The following CBARP variants were observed in gnomAD, a reference collection of about 807,000 sequenced individuals.
CBARP encodes voltage-dependent calcium channel beta subunit-associated regulatory protein.
A neutral mutation model predicts 36.3 loss-of-function variants in CBARP; 24 were observed. That is an observed-to-expected ratio of 0.66 (90% confidence interval 0.48 to 0.93). The LOEUF (loss-of-function observed/expected upper bound fraction) is 0.93. Ranked by LOEUF, CBARP falls within the 40% of genes least tolerant of loss-of-function variation. CBARP has a pLI of 0.00. For missense variants in CBARP, 1,146 were observed against 980.4 expected, an observed-to-expected ratio of 1.17 and a Z score of -2.26; for synonymous variants, 586 against 453.2, an observed-to-expected ratio of 1.29 and a Z score of -3.72.
rs1415768280 is a variant in CBARP, at chr19:1,229,037, C to T, written c.*142G>A. 5.4e-6 allele frequency: 1 copy of T among 184,168 alleles called. No homozygotes were observed. 11.4% of individuals were successfully genotyped at this position (184,168 alleles called of 1,614,324 possible). On this transcript the variant is annotated 3_prime_UTR_variant, in exon 10 of 10. Transcript: ENST00000650044. The surrounding 1 kb of genome is among the most constrained non-coding windows in gnomAD (Gnocchi z 5.1). ...CTGCGCCCTGAAGCGGCGAGCGCGC[C>T]TCCGTCGCCCGGCGCGTGCGCGAAG...
At chr19:1,236,647 G>A (rs1488010791) in intron 1 of CBARP, among the ~76,000 whole-genome samples, 1 of 152,064 alleles carries the variant, frequency 6.6e-6, no homozygotes, top group African/African-American at 2.4e-5. Context: ...GAGGGTGCAG[G>A]GGCTGGGCGC....
intron 4 of CBARP, 77 bp from the exon 5 acceptor site, chr19:1,235,222 G>C: frequency 1.5e-6 from 2 of 1,365,040 alleles, no homozygotes; most frequent in Non-Finnish European, 1.9e-6. Context: ...CTGCTCCTCC[G>C]GGCGGCCACG....
At chr19:1,234,415 A>C in intron 6 of CBARP, 84 bp from the exon 7 acceptor site, 1 of 1,434,036 alleles carries the variant, frequency 7.0e-7, no homozygotes, top group South Asian at 1.5e-5. Flanking sequence ...GGTGAGGAGC[A>C]TGCTGGGCTT....
At position 1,229,222 on chromosome 19, in the gene CBARP, A is replaced by G. The variant is rs1380666895; in HGVS notation, c.2075T>C (p.Leu692Ser). 3.3e-6 allele frequency: 4 copies of G among 1,218,242 alleles called. No homozygotes were observed. The allele number at this position is 1,218,242 out of a possible 1,614,324, so 75.5% of individuals were successfully genotyped here. The change falls in exon 10 of 10, where the codon TTG becomes TCG. Residue 692 changes from leucine (L) to serine (S), a missense_variant. Transcript: ENST00000650044. The surrounding 1 kb of genome is among the most constrained non-coding windows in gnomAD (Gnocchi z 5.1). ...LAEPVVATPA[L>S]VAAAPTSPDH... is the part of the protein sequence containing the mutation. Reference sequence around the variant, plus strand: ...GGGGGACGTGGGGGCGGCGGCGACCAACGCGGGAGTCGCCACGACGGGCTC... The same window carrying G: ...GGGGGACGTGGGGGCGGCGGCGACCGACGCGGGAGTCGCCACGACGGGCTC...
At chr19:1,235,181 G>T (rs759117006) in intron 4 of CBARP, 36 bp from the exon 5 acceptor site, 13 of 1,490,118 alleles carry the variant, frequency 8.7e-6, no homozygotes, top group Non-Finnish European at 1.2e-5. Flanking sequence ...GGCCCCGGGC[G>T]GGCCACGCCA....
In CBARP at chr19:1,230,115, T is replaced by C. The variant is rs1437756264; in HGVS notation, c.1182A>G (p.Gly394=). The stretch of plus-strand genomic sequence containing the variant: ...GCTCCGGGGGGGAATCGGGGCTCGC[T>C]CCTCCCGCTGCCTCGGCCGCCTCTA... The part of the protein sequence containing the change: ...GRLEAAEAAG[G]ASPDSPPERG... Residue 394 remains glycine, a synonymous_variant, in exon 10 of 10, where the codon GGA becomes GGG. Transcript: ENST00000650044. 12 of 1,055,306 alleles carry C rather than the reference T, an allele frequency of 1.1e-5. No homozygotes were observed. Among genetic ancestry groups the C allele is most frequent in the South Asian group, 2.5e-5 (1 of 40,698 alleles). The allele number at this position is 1,055,306 out of a possible 1,614,324, so 65.4% of individuals were successfully genotyped here.
Position 1,229,917 on chromosome 19 carries a change from G to A in CBARP, c.1380C>T (p.Arg460=), listed in dbSNP as rs933772218. Residue 460 remains arginine (R), a synonymous_variant, in exon 10 of 10, where the codon CGC becomes CGT. Coordinates refer to ENST00000650044, the MANE Select transcript of CBARP (RefSeq NM_001393918.1). This position sits in a 1 kb window ranked among gnomAD's most constrained non-coding sequence, Gnocchi z 5.1. ...ASDHSSSGND[R]DSVRSGDSSG... ...AGCTGTCGCCGCTGCGCACCGAGTCGCGGTCGTTGCCGCTGCTGCTGTGGT... is the reference window on the plus strand; with the variant it reads ...AGCTGTCGCCGCTGCGCACCGAGTCACGGTCGTTGCCGCTGCTGCTGTGGT... The A allele has an allele frequency of 8.8e-7, 1 of 1,141,588 alleles. No homozygotes were observed. Among genetic ancestry groups the A allele is most frequent in the Non-Finnish European group, 1.1e-6 (1 of 908,694 alleles). The allele number at this position is 1,141,588 out of a possible 1,614,324, so 70.7% of individuals were successfully genotyped here.
intron 1 of CBARP, among the ~76,000 whole-genome samples, chr19:1,236,397 G>A (rs150985681): frequency 0.014 from 2,203 of 152,330 alleles, 18 homozygotes; most frequent in Non-Finnish European, 0.023. Flanking sequence ...CACACAGCCG[G>A]TGCGGCCTGT....
In CBARP at chr19:1,235,806, C is replaced by G. The variant is rs752257864; in HGVS notation, c.218G>C (p.Cys73Ser). 1.4e-5 allele frequency: 22 copies of G among 1,609,206 alleles called. 1 individual carries two copies. The South Asian group carries it at 2.4e-4, about 18-fold the overall frequency. The change falls in exon 3 of 10, where the codon TGC (cysteine) becomes TCC (serine). Residue 73 changes from cysteine (C) to serine (S), a missense_variant. Coordinates refer to ENST00000650044, the MANE Select transcript of CBARP (RefSeq NM_001393918.1). ...GTTGAGGCGCTGGTGGACGTCCCAG[C>G]AGCGCTTGCAGAGGAGCAGGACGCC... ...LSGVLLLCKR[C>S]WDVHQRLNRA...
chr19:1,236,900 C>A (rs2080982761), intron 1 of CBARP, among the ~76,000 whole-genome samples: 1 of 150,414 alleles, frequency 6.6e-6, no homozygotes, highest in East Asian at 2.0e-4. Context: ...CGCAAGATGG[C>A]CGCGGCCGCC....
chr19:1,235,725 C>A, intron 3 of CBARP, 54 bp downstream of exon 3: 1 of 1,604,494 alleles, frequency 6.2e-7, no homozygotes. Context: ...CCCCACCACC[C>A]GATGGCACCC....
At chr19:1,237,714 T>TC (rs913623654) in intron 1 of CBARP, 42 bp downstream of exon 1, 1 of 150,378 alleles carries the variant, frequency 6.6e-6, no homozygotes, top group Non-Finnish European at 1.5e-5. Context: ...CCCCGGCCTG[T>TC]CCCCCGTCCG....
intron 1 of CBARP, among the ~76,000 whole-genome samples, chr19:1,236,386 GCA>G (rs1196867576): frequency 6.6e-6 from 1 of 152,228 alleles, no homozygotes; most frequent in Non-Finnish European, 1.5e-5. Flanking sequence ...CATCACAACT[GCA>G]CACAGCCGGT....
At position 1,229,685 on chromosome 19, in the gene CBARP, GGCGCGGGCGGCGGGGCCAGGC is replaced by G. The variant is rs1185471082; in HGVS notation, c.1591_1611del (p.Ala531_Arg537del). 1.5e-5 allele frequency: 16 copies of G among 1,066,602 alleles called. No individual in the cohort carries two copies. Among genetic ancestry groups the G allele is most frequent in the Admixed American group, 5.6e-5 (1 of 17,820 alleles). The allele number at this position is 1,066,602 out of a possible 1,614,324, so 66.1% of individuals were successfully genotyped here. A position where few individuals can be genotyped will look rare whatever the true frequency, so the allele number is the denominator to read the frequency against. On this transcript the variant is annotated inframe_deletion, in exon 10 of 10. Coordinates refer to ENST00000650044, the MANE Select transcript of CBARP (RefSeq NM_001393918.1). This position sits in a 1 kb window ranked among gnomAD's most constrained non-coding sequence, Gnocchi z 5.1. ...GTCTTCTCGTCGATGCTGTAGTCGC[GGCGCGGGCGGCGGGGCCAGGC>G]GCGCGGGCTGCGGGGCCGGGCGGGC...
chr19:1,238,154 T>G (rs1158284084), upstream of CBARP: 1 of 151,254 alleles, frequency 6.6e-6, no homozygotes, highest in African/African-American at 2.4e-5. Flanking sequence ...TCGGCACGAT[T>G]CACCTCGCCC....
intron 9 of CBARP, 117 bp downstream of exon 9, chr19:1,230,984 G>A (rs1426445341): frequency 6.4e-7 from 1 of 1,552,278 alleles, no homozygotes; most frequent in Middle Eastern, 1.7e-4. Flanking sequence ...GCCGCTGGAG[G>A]CAGGCGAGCG....
intron 8 of CBARP, among the ~76,000 whole-genome samples, chr19:1,233,151 C>A (rs1294471977): frequency 6.6e-6 from 1 of 152,230 alleles, no homozygotes; most frequent in African/African-American, 2.4e-5. Flanking sequence ...TCCTGGATGC[C>A]CCAATGGCCC....
intron 7 of CBARP, 138 bp from the exon 8 acceptor site, chr19:1,233,774 G>A: frequency 1.2e-6 from 1 of 849,852 alleles, no homozygotes; most frequent in Non-Finnish European, 1.8e-6. Flanking sequence ...GCTCGGAGAG[G>A]GGCAGAAGCG....
In CBARP at chr19:1,234,389, G is replaced by C. The variant is rs143104137; in HGVS notation, c.628-58C>G. The stretch of plus-strand genomic sequence containing the variant: ...GTGACAGGTCAAAGAGCATGGGTGG[G>C]TGAGGGACATGGGCAGGTGAGGAGC... On this transcript the variant is annotated intron_variant, in intron 6 of 9. Transcript: ENST00000650044. 293 of 1,436,920 alleles carry C rather than the reference G, an allele frequency of 2.0e-4. No homozygotes were observed. In the African/African-American group the frequency reaches 3.5e-3, roughly 17 times the overall value. The allele number at this position is 1,436,920 out of a possible 1,614,324, so 89.0% of individuals were successfully genotyped here.
Sources: gnomAD v4.1 joint callset for allele counts (sites outside exome capture counted in the v4.1 genomes callset) on GRCh38, gnomAD v4.1.1 for gene constraint, Gnocchi (gnomAD v3.1) non-coding constraint, MANE v1.5 for transcripts, NCBI Gene and HGNC (gene_info 2026-07-23, HGNC 2026-07-21) for gene names.